Variants in SNTG1 observed in about 807,000 individuals in gnomAD.
SNTG1 encodes the protein syntrophin gamma 1.
In SNTG1, 39 loss-of-function variants were observed where a neutral mutation model predicts 74.7. The ratio of observed to expected loss-of-function variants is 0.52; its 90% CI spans 0.40 to 0.68. The LOEUF (loss-of-function observed/expected upper bound fraction) is 0.68. Ranked by LOEUF, SNTG1 falls within the 30% of genes least tolerant of loss-of-function variation. The probability of loss-of-function intolerance (pLI) is 0.00; values close to 1 mark genes in which losing one functional copy is unlikely to be tolerated. For synonymous variants in SNTG1, 254 were observed against 217.1 expected (o/e 1.17, Z -1.49); for missense variants, 685 against 609.5 (o/e 1.12, Z -1.30).
intron 1 of SNTG1, among the ~76,000 whole-genome samples, chr8:50,096,314 T>C (rs1438091952): frequency 6.6e-6 from 1 of 152,210 alleles, no homozygotes; most frequent in African/African-American, 2.4e-5. Flanking sequence ...ATTACAATAG[T>C]TCAAATTTGT....
intron 2 of SNTG1, among the ~76,000 whole-genome samples, chr8:50,203,970 A>G (rs925881145): frequency 3.3e-5 from 5 of 152,088 alleles, no homozygotes; most frequent in Non-Finnish European, 7.4e-5. Flanking sequence ...GTAAAGGGCA[A>G]CTCTGCTTTT....
intron 1 of SNTG1, among the ~76,000 whole-genome samples, chr8:49,932,723 T>C (rs546098032): frequency 1.3e-5 from 2 of 152,162 alleles, no homozygotes; most frequent in Admixed American, 1.3e-4. Context: ...AATTTCAGAA[T>C]GTTTCCATCA....
chr8:50,444,129 C>T (rs1043712301), intron 5 of SNTG1, among the ~76,000 whole-genome samples: 3 of 151,890 alleles, frequency 2.0e-5, no homozygotes, highest in African/African-American at 4.8e-5. Context: ...CACAGTGAGT[C>T]TCTGTTTCAA....
chr8:50,629,898 G>T (rs1435289538), intron 13 of SNTG1, among the ~76,000 whole-genome samples: 2 of 152,166 alleles, frequency 1.3e-5, no homozygotes, highest in Admixed American at 6.5e-5. Context: ...TGTGTCAAAA[G>T]AAATGCATAA....
intron 17 of SNTG1, among the ~76,000 whole-genome samples, chr8:50,748,268 C>A (rs574428615): frequency 6.6e-6 from 1 of 151,982 alleles, no homozygotes; most frequent in Non-Finnish European, 1.5e-5. Flanking sequence ...TTATTGGAAC[C>A]TTTACCAATC....
chr8:50,473,590 C>T (rs751792057), intron 8 of SNTG1, among the ~76,000 whole-genome samples: 9 of 152,210 alleles, frequency 5.9e-5, no homozygotes, highest in Middle Eastern at 6.8e-3. Context: ...GAATTGACGG[C>T]AGTTGTGAAG....
At chr8:50,145,004 A>T (rs2081806905) in intron 1 of SNTG1, among the ~76,000 whole-genome samples, 1 of 152,236 alleles carries the variant, frequency 6.6e-6, no homozygotes, top group East Asian at 1.9e-4. Flanking sequence ...GAAAACAATG[A>T]CAAAAGGAGA....
At chr8:50,436,196 CTGTTTTAAGGAATCACATATT>C (rs2093300681) in intron 4 of SNTG1, among the ~76,000 whole-genome samples, 2 of 152,062 alleles carry the variant, frequency 1.3e-5, no homozygotes, top group Non-Finnish European at 2.9e-5. Context: ...GATTTTGATA[CTGTTTTAAGGAATCACATATT>C]TACTTTTTAC....
chr8:50,783,836 C>A (rs1408527802), intron 18 of SNTG1, among the ~76,000 whole-genome samples: 3 of 152,228 alleles, frequency 2.0e-5, no homozygotes, highest in South Asian at 2.1e-4. Flanking sequence ...ATTTGGCCAT[C>A]TTGGCTCCAG....
intron 13 of SNTG1, among the ~76,000 whole-genome samples, chr8:50,602,824 T>C (rs1489360435): frequency 1.3e-5 from 2 of 152,208 alleles, no homozygotes; most frequent in African/African-American, 4.8e-5. Context: ...AAACATGCTG[T>C]GCTAGCCTCT....
chr8:50,663,809 A>G (rs2095237286), intron 15 of SNTG1, among the ~76,000 whole-genome samples: 3 of 152,000 alleles, frequency 2.0e-5, no homozygotes, highest in Admixed American at 6.6e-5. Flanking sequence ...CTTTTAGGAG[A>G]TGATCCTACT....
chr8:50,678,744 G>A (rs750939297), intron 15 of SNTG1, among the ~76,000 whole-genome samples: 1 of 151,994 alleles, frequency 6.6e-6, no homozygotes, highest in Non-Finnish European at 1.5e-5. Flanking sequence ...TTACCTTTGG[G>A]ATTATATCCC....
chr8:50,199,673 G>T (rs1488826658), intron 2 of SNTG1, among the ~76,000 whole-genome samples: 3 of 152,168 alleles, frequency 2.0e-5, no homozygotes, highest in Non-Finnish European at 2.9e-5. Context: ...CTGAGTGCAG[G>T]TCGTCAGCTG....
At chr8:50,577,539 G>T (rs1432674127) in intron 12 of SNTG1, among the ~76,000 whole-genome samples, 2 of 141,258 alleles carry the variant, frequency 1.4e-5, no homozygotes, top group Non-Finnish European at 3.0e-5. Context: ...GTTAGGAAAT[G>T]CTCCTTCTTT....
chr8:50,614,067 C>T (rs898229678), intron 13 of SNTG1, among the ~76,000 whole-genome samples: 2 of 151,926 alleles, frequency 1.3e-5, no homozygotes, highest in Non-Finnish European at 2.9e-5. Context: ...AACTAAGCTT[C>T]CATATTTTAT....
chr8:50,160,532 A>G (rs2082383368), intron 1 of SNTG1, among the ~76,000 whole-genome samples: 1 of 152,140 alleles, frequency 6.6e-6, no homozygotes. Context: ...TTCATTTTAT[A>G]TCACAACTAG....
chr8:50,127,648 G>T (rs1205524850), intron 1 of SNTG1, among the ~76,000 whole-genome samples: 1 of 152,128 alleles, frequency 6.6e-6, no homozygotes, highest in Non-Finnish European at 1.5e-5. Flanking sequence ...AAGACATTTA[G>T]TCAGTTTTCT....
rs538349083 is a variant in SNTG1 at position 50,794,196 on chromosome 8, C to T, written c.*1367C>T. ...ATTATGTGTGTCCTTGTGGAGATAA[C>T]CAAGTATCTAATAAATTGATTCAAT... On this transcript the variant is annotated 3_prime_UTR_variant, in exon 19 of 19. Transcript: ENST00000642720. The T allele has an allele frequency of 9.3e-5, 14 of 150,684 alleles. No individual in the cohort carries two copies. Among genetic ancestry groups the T allele is most frequent in the East Asian group, 3.9e-4 (2 of 5,154 alleles). 9.3% of individuals were successfully genotyped at this position (150,684 alleles called of 1,614,324 possible). A position where few individuals can be genotyped will look rare whatever the true frequency, so the allele number is the denominator to read the frequency against.
intron 2 of SNTG1, among the ~76,000 whole-genome samples, chr8:50,381,639 G>GTT (rs1248236292): frequency 3.0e-5 from 2 of 67,752 alleles, no homozygotes; most frequent in South Asian, 4.7e-4. Flanking sequence ...TATCCTATTA[G>GTT]TTATATATAT....
Sources: gnomAD v4.1 joint callset for allele counts (sites outside exome capture counted in the v4.1 genomes callset) on GRCh38, gnomAD v4.1.1 for gene constraint, MANE v1.5 for transcripts, NCBI Gene and HGNC (gene_info 2026-07-23, HGNC 2026-07-21) for gene names.